SPATS2: variants seen among roughly 807,000 people sequenced by gnomAD.
SPATS2 encodes spermatogenesis-associated serine-rich protein 2.
In SPATS2, 38 loss-of-function variants were observed where a neutral mutation model predicts 63.7. That is an observed-to-expected ratio of 0.60 (90% confidence interval 0.46 to 0.78). The LOEUF is 0.78. Ranked by LOEUF, SPATS2 falls within the 30% of genes least tolerant of loss-of-function variation. The pLI, the probability that SPATS2 is intolerant of heterozygous loss-of-function variation, is 0.00. For missense variants in SPATS2, 588 were observed against 666.2 expected, an observed-to-expected ratio of 0.88 and a Z score of 1.29; for synonymous variants, 207 against 232.9, an observed-to-expected ratio of 0.89 and a Z score of 1.01.
intron 11 of SPATS2, among the ~76,000 whole-genome samples, 186 bp downstream of exon 11, chr12:49,519,368 C>G (rs1314042214): frequency 6.6e-6 from 1 of 152,122 alleles, no homozygotes; most frequent in African/African-American, 2.4e-5. Flanking sequence ...AGCTGGAAAC[C>G]TTAGGAAATT....
intron 3 of SPATS2, among the ~76,000 whole-genome samples, chr12:49,466,052 G>A (rs1311867043): frequency 2.0e-5 from 3 of 148,996 alleles, no homozygotes; most frequent in East Asian, 3.9e-4. Context: ...TTTTGGTATC[G>A]TGTCTGAGAA....
rs1285458329 is a variant in SPATS2 at position 49,524,803 on chromosome 12, C to A, written c.1233C>A (p.Ser411Arg). 6.2e-7 allele frequency: 1 copy of A among 1,614,172 alleles called. No homozygotes were observed. ...ASSSTCASPP[S>R]LTSANKKNFA... ...CTTCCACCTGTGCCTCTCCTCCCAGCCTTACAAGTGCTAACAAGAAAAACT... is the reference window on the plus strand; with the variant it reads ...CTTCCACCTGTGCCTCTCCTCCCAGACTTACAAGTGCTAACAAGAAAAACT... Residue 411 changes from serine (S) to arginine (R), a missense_variant, in exon 13 of 14, where the codon AGC (serine) becomes AGA (arginine). Transcript: ENST00000552918.
At chr12:49,389,621 C>G (rs763447440) in intron 2 of SPATS2, 2 of 1,142,138 alleles carry the variant, frequency 1.8e-6, no homozygotes, top group African/African-American at 3.0e-5. Context: ...AACCACAGCT[C>G]TCAATAAGCG....
chr12:49,444,576 T>G (rs1945479190), intron 2 of SPATS2, among the ~76,000 whole-genome samples: 1 of 152,060 alleles, frequency 6.6e-6, no homozygotes, highest in African/African-American at 2.4e-5. Flanking sequence ...TTGGATTGTT[T>G]ATTGCTAGTA....
chr12:49,526,358 C>T lies in SPATS2; in HGVS notation c.*103C>T, dbSNP rs1033750949. The T allele has an allele frequency of 1.3e-5, 18 of 1,334,472 alleles. No individual in the cohort carries two copies. Among genetic ancestry groups the T allele is most frequent in the East Asian group, 2.5e-5 (1 of 39,460 alleles). 82.7% of individuals were successfully genotyped at this position (1,334,472 alleles called of 1,614,324 possible). A position where few individuals can be genotyped will look rare whatever the true frequency, so the allele number is the denominator to read the frequency against. On this transcript the variant is annotated 3_prime_UTR_variant, in exon 14 of 14. Coordinates refer to ENST00000552918, the MANE Select transcript of SPATS2 (RefSeq NM_023071.4). ...ATGTAATAACAAAAAGAAGTTTATG[C>T]GTATCACTTTTTGTGCCATTCTAAG...
intron 2 of SPATS2, chr12:49,389,619 C>A: frequency 8.9e-7 from 1 of 1,122,888 alleles, no homozygotes; most frequent in South Asian, 1.2e-5. Flanking sequence ...CAAACCACAG[C>A]TCTCAATAAG....
chr12:49,483,138 A>G (rs754494828), intron 3 of SPATS2, among the ~76,000 whole-genome samples: 3 of 118,620 alleles, frequency 2.5e-5, no homozygotes, highest in Admixed American at 8.7e-5. Context: ...TTGTTAAAGG[A>G]AAAAAAAAAA....
intron 2 of SPATS2, among the ~76,000 whole-genome samples, chr12:49,418,108 GTTTTTTTT>G (rs760281633): frequency 2.6e-5 from 2 of 76,060 alleles, no homozygotes; most frequent in African/African-American, 6.5e-5. Flanking sequence ...AAATGACTCA[GTTTTTTTT>G]TTTTTTTTTT....
At chr12:49,488,125 A>G (rs1411682949) in intron 4 of SPATS2, among the ~76,000 whole-genome samples, 9 of 149,924 alleles carry the variant, frequency 6.0e-5, no homozygotes, top group Admixed American at 1.3e-4. Flanking sequence ...ACTCACTGCA[A>G]CCTCCACCTC....
chr12:49,462,589 G>T (rs925448704), intron 3 of SPATS2: 3 of 606,332 alleles, frequency 4.9e-6, no homozygotes, highest in Non-Finnish European at 8.8e-6. Flanking sequence ...CTGAGCTCTT[G>T]TCTGGTGTCC....
At position 49,524,246 on chromosome 12, in the gene SPATS2, T is replaced by A. The variant is rs148954532; in HGVS notation, c.1112-436T>A. On this transcript the variant is annotated intron_variant, in intron 12 of 13. Transcript: ENST00000552918. ...TCATTCAAAATTCTTTAAAAAGAAT[T>A]TAGTAAAGATTTTATTTATGTACCT... Among the ~76,000 whole-genome samples the A allele has an allele frequency of 2.6e-4, 40 of 152,330 alleles. No individual in the cohort carries two copies. In the East Asian group the frequency reaches 6.9e-3, roughly 26 times the overall value.
chr12:49,369,681 C>T (rs1461245135), intron 1 of SPATS2, among the ~76,000 whole-genome samples: 1 of 152,128 alleles, frequency 6.6e-6, no homozygotes, highest in Non-Finnish European at 1.5e-5. Flanking sequence ...GTTTACTGCT[C>T]CTGTGATTTA....
At chr12:49,476,281 T>C (rs1946116318) in intron 3 of SPATS2, among the ~76,000 whole-genome samples, 2 of 152,028 alleles carry the variant, frequency 1.3e-5, no homozygotes, top group African/African-American at 2.4e-5. Flanking sequence ...CAGAATGACA[T>C]GGAGTTTGGC....
chr12:49,475,215 G>A (rs754807096), intron 3 of SPATS2, among the ~76,000 whole-genome samples: 2 of 152,032 alleles, frequency 1.3e-5, no homozygotes, highest in East Asian at 1.9e-4. Context: ...CCAAATGCAC[G>A]CCAAAAATAA....
intron 2 of SPATS2, among the ~76,000 whole-genome samples, chr12:49,393,321 C>G (rs1228292661): frequency 6.6e-6 from 1 of 151,954 alleles, no homozygotes; most frequent in Non-Finnish European, 1.5e-5. Context: ...CTCCATCAGC[C>G]TTTCATTCAG....
chr12:49,499,632 A>G (rs932410058), intron 8 of SPATS2, among the ~76,000 whole-genome samples: 2 of 152,018 alleles, frequency 1.3e-5, no homozygotes, highest in African/African-American at 2.4e-5. Context: ...TGGCCTTTCC[A>G]AATTCCCAAC....
At chr12:49,495,713 G>A (rs1168201046) in intron 7 of SPATS2, among the ~76,000 whole-genome samples, 14 of 152,152 alleles carry the variant, frequency 9.2e-5, no homozygotes, top group Non-Finnish European at 2.1e-4. Context: ...GTTAATAGCA[G>A]AGAAATACCT....
chr12:49,382,100 G>A (rs1944232569), intron 2 of SPATS2, among the ~76,000 whole-genome samples: 1 of 152,208 alleles, frequency 6.6e-6, no homozygotes, highest in South Asian at 2.1e-4. Context: ...CTCTTGCGAT[G>A]CCTCTGTGCC....
At chr12:49,470,120 C>T (rs930171279) in intron 3 of SPATS2, among the ~76,000 whole-genome samples, 1 of 152,032 alleles carries the variant, frequency 6.6e-6, no homozygotes, top group Admixed American at 6.6e-5. Flanking sequence ...CAACCTCCAC[C>T]TCCCAGGTTC....
Sources: gnomAD v4.1 joint callset for allele counts (sites outside exome capture counted in the v4.1 genomes callset) on GRCh38, gnomAD v4.1.1 for gene constraint, MANE v1.5 for transcripts, NCBI Gene and HGNC (gene_info 2026-07-23, HGNC 2026-07-21) for gene names.